CSRNP3: variants seen among roughly 807,000 people sequenced by gnomAD.
CSRNP3 encodes the protein cysteine and serine rich nuclear protein 3.
A neutral mutation model predicts 48.0 loss-of-function variants in CSRNP3; 12 were observed. The observed-to-expected ratio is 0.25, with a 90% CI of 0.16 to 0.41. CSRNP3 has a LOEUF of 0.41. Ranked by LOEUF, CSRNP3 falls within the 10% of genes least tolerant of loss-of-function variation. The pLI, the probability that CSRNP3 is intolerant of heterozygous loss-of-function variation, is 1.00. For missense variants in CSRNP3, 580 were observed against 724.4 expected, an observed-to-expected ratio of 0.80 and a Z score of 2.29; for synonymous variants, 263 against 269.7, an observed-to-expected ratio of 0.98 and a Z score of 0.24.
At chr2:165,495,976 C>T (rs556329347) in intron 2 of CSRNP3, among the ~76,000 whole-genome samples, 9 of 151,928 alleles carry the variant, frequency 5.9e-5, no homozygotes, top group Non-Finnish European at 8.8e-5. Flanking sequence ...ACACATTTAC[C>T]CCAGAACTTA....
chr2:165,476,087 T>G (rs1683959135), intron 1 of CSRNP3, among the ~76,000 whole-genome samples: 2 of 152,214 alleles, frequency 1.3e-5, no homozygotes, highest in East Asian at 3.8e-4. Context: ...CCAATCTGAG[T>G]GCTATCATAC....
At chr2:165,601,109 T>C (rs1289969078) in intron 4 of CSRNP3, among the ~76,000 whole-genome samples, 1 of 152,244 alleles carries the variant, frequency 6.6e-6, no homozygotes, top group East Asian at 1.9e-4. Flanking sequence ...ACCAAGGTCA[T>C]ATCTTGTACT....
chr2:165,679,932 A>G lies in CSRNP3; in HGVS notation c.*179A>G, dbSNP rs1310595351. On this transcript the variant is annotated 3_prime_UTR_variant, in exon 7 of 7. Coordinates refer to ENST00000651982, the MANE Select transcript of CSRNP3 (RefSeq NM_001172173.2). ...CATGACTGTGGCATTGCACAAATAC[A>G]GTCTCTGTAGGGATTTTAAAAGATT... 2.5e-6 allele frequency: 2 copies of G among 805,634 alleles called. No individual in the cohort carries two copies. The highest frequency in any genetic ancestry group is 1.9e-6 in the Non-Finnish European group (1 of 517,830). 49.9% of individuals were successfully genotyped at this position (805,634 alleles called of 1,614,324 possible).
intron 3 of CSRNP3, among the ~76,000 whole-genome samples, chr2:165,587,065 CAG>C (rs781410038): frequency 6.9e-4 from 105 of 152,170 alleles, no homozygotes; most frequent in Middle Eastern, 3.4e-3. Flanking sequence ...TTCTTGCAGA[CAG>C]AGATGGAAAC....
chr2:165,532,628 G>C (rs4462795), intron 3 of CSRNP3, among the ~76,000 whole-genome samples: 109,547 of 150,212 alleles, frequency 0.73, 40,720 homozygotes, highest in African/African-American at 0.87. Context: ...AAACTGGAAG[G>C]ATTCCCTTTG....
chr2:165,630,682 T>C (rs1686520838), intron 4 of CSRNP3, among the ~76,000 whole-genome samples: 1 of 152,202 alleles, frequency 6.6e-6, no homozygotes, highest in Non-Finnish European at 1.5e-5. Flanking sequence ...CATGGATATA[T>C]CTCTTACAGT....
At chr2:165,671,268 T>C (rs1332281141) in intron 5 of CSRNP3, among the ~76,000 whole-genome samples, 1 of 152,160 alleles carries the variant, frequency 6.6e-6, no homozygotes, top group Admixed American at 6.5e-5. Context: ...GAAAAAAAGA[T>C]TTTAAAGGTA....
chr2:165,534,370 T>A (rs897772805), intron 3 of CSRNP3, among the ~76,000 whole-genome samples: 2 of 152,010 alleles, frequency 1.3e-5, no homozygotes, highest in African/African-American at 4.8e-5. Context: ...ATTGAATGAG[T>A]TTAAAAAAAC....
chr2:165,605,520 A>T (rs1685994719), intron 4 of CSRNP3, among the ~76,000 whole-genome samples: 1 of 152,280 alleles, frequency 6.6e-6, no homozygotes, highest in Non-Finnish European at 1.5e-5. Context: ...AGAAAAATAG[A>T]GCGATAGATG....
chr2:165,512,972 G>A (rs1203056234), intron 2 of CSRNP3, among the ~76,000 whole-genome samples: 2 of 152,112 alleles, frequency 1.3e-5, no homozygotes, highest in Non-Finnish European at 2.9e-5. Flanking sequence ...GGGCGTGGTG[G>A]CACGCGCCTG....
intron 2 of CSRNP3, among the ~76,000 whole-genome samples, chr2:165,495,837 T>C (rs2105461401): frequency 6.6e-6 from 1 of 152,082 alleles, no homozygotes; most frequent in Non-Finnish European, 1.5e-5. Context: ...GTTTTCACAA[T>C]AGTTTTTTTC....
intron 3 of CSRNP3, among the ~76,000 whole-genome samples, chr2:165,593,948 A>T (rs1685767706): frequency 6.6e-6 from 1 of 152,346 alleles, no homozygotes; most frequent in South Asian, 2.1e-4. Flanking sequence ...GATGGGTCAC[A>T]GTCAAAACAG....
chr2:165,615,887 G>GTTTTT (rs1558951399), intron 4 of CSRNP3, among the ~76,000 whole-genome samples: 3 of 126,654 alleles, frequency 2.4e-5, no homozygotes, highest in Non-Finnish European at 3.3e-5. Context: ...ATGTTTGTGG[G>GTTTTT]GTTTTTTTTT....
At chr2:165,548,870 T>C (rs71426771) in intron 3 of CSRNP3, among the ~76,000 whole-genome samples, 9,819 of 152,128 alleles carry the variant, frequency 0.065, 452 homozygotes, top group Middle Eastern at 0.2. Flanking sequence ...ATATGATCCA[T>C]ATTCATGGCA....
rs1464214367 is a variant in CSRNP3 at position 165,483,667 on chromosome 2, G to A, written c.-282-11092G>A. ...GAAATTTATTTCCCACATTTCTGGAGGATGGAAGTCCAAGATCAAGGTGCT... is the reference window on the plus strand; with the variant it reads ...GAAATTTATTTCCCACATTTCTGGAAGATGGAAGTCCAAGATCAAGGTGCT... On this transcript the variant is annotated intron_variant, in intron 1 of 6. Coordinates refer to ENST00000651982, the MANE Select transcript of CSRNP3 (RefSeq NM_001172173.2). 5.3e-5 allele frequency among the ~76,000 whole-genome samples: 8 copies of A among 152,182 alleles called. 1 individual carries two copies. Among genetic ancestry groups the A allele is most frequent in the African/African-American group, 1.9e-4 (8 of 41,442 alleles).
At chr2:165,500,841 A>G (rs1031180670) in intron 2 of CSRNP3, among the ~76,000 whole-genome samples, 2 of 152,118 alleles carry the variant, frequency 1.3e-5, no homozygotes, top group African/African-American at 4.8e-5. Context: ...AATTTATCAG[A>G]GGCTAGGGTA....
chr2:165,608,735 A>G (rs1340445632), intron 4 of CSRNP3, among the ~76,000 whole-genome samples: 1 of 151,762 alleles, frequency 6.6e-6, no homozygotes, highest in Non-Finnish European at 1.5e-5. Flanking sequence ...CTTTGTGATG[A>G]CTATTAAAAT....
At chr2:165,550,617 A>C (rs1245286909) in intron 3 of CSRNP3, among the ~76,000 whole-genome samples, 1 of 152,220 alleles carries the variant, frequency 6.6e-6, no homozygotes, top group Non-Finnish European at 1.5e-5. Context: ...GTAGAAATAA[A>C]GATTCATTCA....
intron 2 of CSRNP3, among the ~76,000 whole-genome samples, chr2:165,495,574 A>G (rs925672441): frequency 5.9e-5 from 9 of 152,222 alleles, no homozygotes; most frequent in African/African-American, 2.2e-4. Flanking sequence ...AAAGATGCAC[A>G]TATGAAGGTT....
Sources: allele counts gnomAD v4.1 joint callset (sites outside exome capture counted in the v4.1 genomes callset), GRCh38; gene constraint gnomAD v4.1.1; transcripts MANE v1.5; gene names NCBI Gene and HGNC (gene_info 2026-07-23, HGNC 2026-07-21).